CFAP74: variants seen among roughly 807,000 people sequenced by gnomAD.
The protein encoded by CFAP74 is cilia- and flagella-associated protein 74.
Under a neutral mutation model 188.9 loss-of-function variants are expected in CFAP74, and 124 were observed. The ratio of observed to expected loss-of-function variants is 0.66; its 90% CI spans 0.57 to 0.76. The LOEUF is 0.76. Among genes scored for constraint, CFAP74 ranks in the 30% least tolerant of loss-of-function variants. The pLI, the probability that CFAP74 is intolerant of heterozygous loss-of-function variation, is 0.00. For missense variants in CFAP74, 2,198 were observed against 2,165.2 expected, an observed-to-expected ratio of 1.02 and a Z score of -0.30; for synonymous variants, 956 against 916.7, an observed-to-expected ratio of 1.04 and a Z score of -0.77.
At position 1,972,075 on chromosome 1, in the gene CFAP74, C is replaced by T; in HGVS notation, c.793G>A (p.Glu265Lys). ...TCCATCTCCTCCTTCTTCTCTTGCT[C>T]TCGGATTCTGAGGAAGGACATTTAA... ...FLKASLGRIR[E>K]QEKKEEMECH... Residue 265 changes from glutamate (E) to lysine (K), a missense_variant, in exon 9 of 39, where the codon GAG becomes AAG. Glu to Lys is a moderately conservative substitution (Grantham distance 56). Transcript: ENST00000682832. The T allele has an allele frequency of 1.2e-6, 2 of 1,611,864 alleles. No individual in the cohort carries two copies. The highest frequency in any genetic ancestry group is 2.2e-5 in the East Asian group (1 of 44,876).
chr1:1,960,872 C>G (rs1204594695), intron 14 of CFAP74, among the ~76,000 whole-genome samples: 2 of 152,144 alleles, frequency 1.3e-5, no homozygotes, highest in Non-Finnish European at 2.9e-5. Context: ...GGGCCGAGCT[C>G]CAAACCCTTC....
At chr1:1,974,501 C>T (rs1159022646) in intron 6 of CFAP74, among the ~76,000 whole-genome samples, 3 of 152,206 alleles carry the variant, frequency 2.0e-5, no homozygotes, top group Middle Eastern at 3.2e-3. Flanking sequence ...CTGGGGCAGG[C>T]CCTGCCCAGC....
In CFAP74 at chr1:1,926,767, A is replaced by T; in HGVS notation, c.3663-6T>A. 1 of 1,549,314 alleles carries T rather than the reference A, an allele frequency of 6.5e-7. No individual in the cohort carries two copies. The highest frequency in any genetic ancestry group is 8.7e-7 in the Non-Finnish European group (1 of 1,146,342). On this transcript the variant is annotated splice_region_variant and splice_polypyrimidine_tract_variant and intron_variant, in intron 29 of 38. Transcript: ENST00000682832. ...GGTACAGGGTGTTGTGGGGGCTGGG[A>T]TAGGAAGGGCATGCTGAGGGCAGGG...
In CFAP74 at chr1:1,968,586, GC is replaced by G. The variant is rs1558037890; in HGVS notation, c.1245+48del. 6.9e-6 allele frequency: 6 copies of G among 871,494 alleles called. No homozygotes were observed. The highest frequency in any genetic ancestry group is 5.5e-5 in the Admixed American group (2 of 36,116). 54.0% of individuals were successfully genotyped at this position (871,494 alleles called of 1,614,324 possible). On this transcript the variant is annotated intron_variant, in intron 11 of 38. Transcript: ENST00000682832. This position sits in a 1 kb window ranked among gnomAD's most constrained non-coding sequence, Gnocchi z 4.3. ...ACACCTGAGCCCTGAGGCCCCACCT[GC>G]CCTCCACAGGTGTGCGGCTTCTGTC...
At chr1:1,949,940 T>C (rs1470474268) in intron 18 of CFAP74, among the ~76,000 whole-genome samples, 1 of 152,184 alleles carries the variant, frequency 6.6e-6, no homozygotes, top group Non-Finnish European at 1.5e-5. Context: ...ATTAGAGTTG[T>C]TGGTTTTTGC....
In CFAP74 at chr1:1,939,614, C is replaced by T. The variant is rs1424773575; in HGVS notation, c.2857G>A (p.Gly953Arg). ...GGTACCTTGGGAAGCCTGACGAACCCGAACTCCTGGGGCAGGAGCGAGTGG... is the reference window on the plus strand; with the variant it reads ...GGTACCTTGGGAAGCCTGACGAACCTGAACTCCTGGGGCAGGAGCGAGTGG... ...HNHSLLPQEF[G>R]FVRLPKFVDV... The change falls in exon 24 of 39, where the codon GGG becomes AGG. Residue 953 changes from glycine (G) to arginine (R), a missense_variant. By Grantham distance (125) the Gly-to-Arg change is moderately radical. Coordinates refer to ENST00000682832, the MANE Select transcript of CFAP74 (RefSeq NM_001304360.2). The T allele has an allele frequency of 8.5e-6, 13 of 1,535,706 alleles. No homozygotes were observed. Among genetic ancestry groups the T allele is most frequent in the East Asian group, 4.9e-5 (2 of 40,916 alleles).
intron 26 of CFAP74, among the ~76,000 whole-genome samples, chr1:1,929,267 A>T (rs925044866): frequency 1.4e-5 from 2 of 139,434 alleles, no homozygotes; most frequent in Non-Finnish European, 3.1e-5. Flanking sequence ...AGCCTTTCCA[A>T]GGAGCCTCCA....
Position 1,927,724 on chromosome 1 carries a change from T to C in CFAP74, c.3410A>G (p.Gln1137Arg), listed in dbSNP as rs973257961. ...TKSFRKNMAP[Q>R]RKDLHGLSFS... Reference sequence around the variant, plus strand: ...TGACAGTCCATGCAGGTCCTTCCTCTGGGGGGCCATATTCTTTCGGAACTG... The same window carrying C: ...TGACAGTCCATGCAGGTCCTTCCTCCGGGGGGCCATATTCTTTCGGAACTG... The change falls in exon 28 of 39, where the codon CAG becomes CGG. Residue 1137 changes from glutamine to arginine, a missense_variant. Gln to Arg is a conservative substitution (Grantham distance 43). Transcript: ENST00000682832. 1.9e-6 allele frequency: 3 copies of C among 1,549,872 alleles called. No homozygotes were observed. The African/African-American group carries it at 4.1e-5, about 21-fold the overall frequency.
intron 25 of CFAP74, among the ~76,000 whole-genome samples, chr1:1,931,747 A>T (rs1164902148): frequency 1.3e-5 from 2 of 149,036 alleles, no homozygotes; most frequent in African/African-American, 4.9e-5. Context: ...CTGTCTCAAA[A>T]AAAAAAAAAA....
intron 21 of CFAP74, among the ~76,000 whole-genome samples, chr1:1,943,744 C>T (rs1208340141): frequency 6.6e-6 from 1 of 152,172 alleles, no homozygotes; most frequent in Admixed American, 6.5e-5. Context: ...AAGGATTTGC[C>T]CCAAGCTTAG....
At chr1:1,966,102 C>T (rs925357103) in intron 12 of CFAP74, among the ~76,000 whole-genome samples, 1 of 152,276 alleles carries the variant, frequency 6.6e-6, no homozygotes, top group Non-Finnish European at 1.5e-5. Flanking sequence ...CTCCCCGTTA[C>T]ACCATGGTGA....
chr1:1,927,158 C>T, intron 28 of CFAP74, 130 bp from the exon 29 acceptor site: 1 of 1,094,736 alleles, frequency 9.1e-7, no homozygotes, highest in Non-Finnish European at 1.3e-6. Context: ...CCAGTTGTGT[C>T]TGACAAACTG....
intron 6 of CFAP74, among the ~76,000 whole-genome samples, chr1:1,974,452 C>G (rs1412931814): frequency 6.6e-6 from 1 of 152,188 alleles, no homozygotes; most frequent in Non-Finnish European, 1.5e-5. Context: ...CCGCGTGCCA[C>G]CTGCCGGCCT....
At chr1:1,959,519 G>A (rs750610869) in intron 15 of CFAP74, among the ~76,000 whole-genome samples, 1 of 152,304 alleles carries the variant, frequency 6.6e-6, no homozygotes, top group Non-Finnish European at 1.5e-5. Context: ...TCCTGCCTTG[G>A]CCTCCCAAAG....
chr1:1,956,518 C>T (rs760930164), intron 17 of CFAP74, 102 bp downstream of exon 17: 18 of 1,416,004 alleles, frequency 1.3e-5, no homozygotes, highest in Middle Eastern at 2.0e-4. Flanking sequence ...TTCTCCCAGG[C>T]CCACTGTTGA....
rs892549260 is a variant in CFAP74 at position 1,941,955 on chromosome 1, A to G, written c.2615+73T>C. On this transcript the variant is annotated intron_variant, in intron 22 of 38. Transcript: ENST00000682832. ...CAGCAATGAGAACAGAGGAGTGGCC[A>G]GTGGCGAGGAGCGCCTCGGAGCCCA... is the stretch of plus-strand genomic sequence containing the variant. The G allele has an allele frequency of 3.7e-6, 5 of 1,368,448 alleles. No individual in the cohort carries two copies. The African/African-American group carries it at 7.3e-5, about 20-fold the overall frequency. 84.8% of individuals were successfully genotyped at this position (1,368,448 alleles called of 1,614,324 possible).
Position 1,988,591 on chromosome 1 carries a change from G to A in CFAP74, c.217C>T (p.Gln73Ter). ...LKKKTAEDRT[Q>*]AFHLRQNLSA... The stretch of plus-strand genomic sequence containing the variant: ...AGGTTCTGCCGCAGGTGAAATGCCT[G>A]CGTTCTGTCCTCAGCTGTTTTCTTC... Residue 73 changes from glutamine to a stop codon, truncating the protein, a stop_gained, in exon 4 of 39, where the codon CAG becomes TAG. Transcript: ENST00000682832. LOFTEE classifies it high-confidence loss of function. 1 of 1,613,206 alleles carries A rather than the reference G, an allele frequency of 6.2e-7. No individual in the cohort carries two copies. The highest frequency in any genetic ancestry group is 8.5e-7 in the Non-Finnish European group (1 of 1,180,018).
chr1:1,996,546 A>T (rs1422821774), intron 1 of CFAP74, among the ~76,000 whole-genome samples: 1 of 152,148 alleles, frequency 6.6e-6, no homozygotes, highest in East Asian at 1.9e-4. Flanking sequence ...AAACATACGA[A>T]AAAATAGAGA....
chr1:1,960,996 G>A (rs747086813), intron 14 of CFAP74, among the ~76,000 whole-genome samples: 1 of 152,210 alleles, frequency 6.6e-6, no homozygotes, highest in Non-Finnish European at 1.5e-5. Context: ...AAGAAATGCA[G>A]ACTCATCCAA....
Sources: allele counts gnomAD v4.1 joint callset (sites outside exome capture counted in the v4.1 genomes callset), GRCh38; gene constraint gnomAD v4.1.1; non-coding constraint Gnocchi (gnomAD v3.1); transcripts MANE v1.5; gene names NCBI Gene and HGNC (gene_info 2026-07-23, HGNC 2026-07-21).